Variants in FAM184A observed in about 807,000 individuals in gnomAD.
The protein encoded by FAM184A is protein FAM184A.
A neutral mutation model predicts 143.8 loss-of-function variants in FAM184A; 99 were observed. The observed-to-expected ratio is 0.69, with a 90% CI of 0.58 to 0.81. The LOEUF (loss-of-function observed/expected upper bound fraction) is 0.81. Among genes scored for constraint, FAM184A ranks in the 40% least tolerant of loss-of-function variants. The probability of loss-of-function intolerance (pLI) is 0.00; values close to 1 mark genes in which losing one functional copy is unlikely to be tolerated. For missense variants in FAM184A, 1,217 were observed against 1,310.5 expected (o/e 0.93, Z 1.10); for synonymous variants, 427 against 446.4 (o/e 0.96, Z 0.55).
chr6:118,973,631 A>T (rs1783762018), intron 14 of FAM184A, among the ~76,000 whole-genome samples: 1 of 152,196 alleles, frequency 6.6e-6, no homozygotes, highest in Non-Finnish European at 1.5e-5. Context: ...ATAAACTACT[A>T]GCAGCAGCTT....
At chr6:118,962,157 CAA>C in intron 16 of FAM184A, 194 bp from the exon 17 acceptor site, 1 of 584,860 alleles carries the variant, frequency 1.7e-6, no homozygotes, top group East Asian at 2.9e-5. Context: ...ATGGAATCCT[CAA>C]AGACAGACAT....
At chr6:119,021,447 C>T (rs1785444813) in intron 3 of FAM184A, among the ~76,000 whole-genome samples, 1 of 152,168 alleles carries the variant, frequency 6.6e-6, no homozygotes, top group South Asian at 2.1e-4. Flanking sequence ...GTAACAAGCC[C>T]TAAGAAATGA....
At chr6:119,086,264 G>C (rs1788219640) in intron 1 of FAM184A, among the ~76,000 whole-genome samples, 1 of 152,234 alleles carries the variant, frequency 6.6e-6, no homozygotes, top group African/African-American at 2.4e-5. Flanking sequence ...TCCAGGTACT[G>C]AGGCTGCAGT....
intron 1 of FAM184A, among the ~76,000 whole-genome samples, chr6:119,117,528 C>G (rs1171897478): frequency 6.6e-6 from 1 of 152,178 alleles, no homozygotes; most frequent in African/African-American, 2.4e-5. Flanking sequence ...CCTTGAGAGG[C>G]TATATCAGTT....
intron 1 of FAM184A, among the ~76,000 whole-genome samples, chr6:119,041,886 T>G (rs1292789635): frequency 6.6e-6 from 1 of 152,148 alleles, no homozygotes; most frequent in Non-Finnish European, 1.5e-5. Context: ...CCACGGCTTC[T>G]AATAGAGGTA....
chr6:119,029,100 G>GT (rs1785774837), intron 1 of FAM184A, among the ~76,000 whole-genome samples: 1 of 152,152 alleles, frequency 6.6e-6, no homozygotes, highest in African/African-American at 2.4e-5. Context: ...AGAGTGCCTA[G>GT]AGCAACACTG....
chr6:119,078,081 C>A lies in FAM184A; in HGVS notation c.159+60G>T. ...CAGGGCGCACTGCCTCCCGGGGAGACAGGTGAGTCCGGCGCGGCCCGCACG... is the reference window on the plus strand; with the variant it reads ...CAGGGCGCACTGCCTCCCGGGGAGAAAGGTGAGTCCGGCGCGGCCCGCACG... On this transcript the variant is annotated intron_variant, in intron 1 of 17. Coordinates refer to ENST00000338891, the MANE Select transcript of FAM184A (RefSeq NM_024581.6). The surrounding 1 kb of genome is among the most constrained non-coding windows in gnomAD (Gnocchi z 5.5). 6.5e-7 allele frequency: 1 copy of A among 1,527,132 alleles called. No individual in the cohort carries two copies. 94.6% of individuals were successfully genotyped at this position (1,527,132 alleles called of 1,614,324 possible). A position where few individuals can be genotyped will look rare whatever the true frequency, so the allele number is the denominator to read the frequency against.
intron 1 of FAM184A, among the ~76,000 whole-genome samples, chr6:119,108,128 AGTGTGT>A (rs57693047): frequency 1.4e-5 from 2 of 147,374 alleles, no homozygotes; most frequent in East Asian, 2.0e-4. Flanking sequence ...AGCACTTGTT[AGTGTGT>A]GTGTGTGTGT....
chr6:118,961,337 A>T (rs1476954980), intron 17 of FAM184A, among the ~76,000 whole-genome samples: 1 of 150,422 alleles, frequency 6.6e-6, no homozygotes, highest in African/African-American at 2.4e-5. Context: ...ATATATATAT[A>T]TATTTATAAA....
chr6:119,081,279 G>A (rs1024198552), upstream of FAM184A, among the ~76,000 whole-genome samples: 4 of 152,152 alleles, frequency 2.6e-5, no homozygotes, highest in Non-Finnish European at 5.9e-5. Flanking sequence ...GAACAGCATG[G>A]GGGAAGCCAC....
At chr6:119,045,085 T>C (rs1786476772) in intron 1 of FAM184A, among the ~76,000 whole-genome samples, 1 of 152,188 alleles carries the variant, frequency 6.6e-6, no homozygotes, top group African/African-American at 2.4e-5. Flanking sequence ...TTTTGCCCCT[T>C]CATCCATTCA....
chr6:119,127,746 T>C (rs553098600), intron 1 of FAM184A, among the ~76,000 whole-genome samples: 26 of 152,058 alleles, frequency 1.7e-4, no homozygotes, highest in Non-Finnish European at 3.2e-4. Flanking sequence ...GTCATAACAG[T>C]TGGGAGTGGG....
chr6:119,068,070 T>TG (rs936643713), intron 1 of FAM184A, among the ~76,000 whole-genome samples: 11 of 133,750 alleles, frequency 8.2e-5, no homozygotes, highest in African/African-American at 3.1e-4. Context: ...TTTTTTGAGA[T>TG]GGAGTTTCAC....
At chr6:119,081,266 C>A (rs565610733), upstream of FAM184A, among the ~76,000 whole-genome samples, 8 of 152,318 alleles carry the variant, frequency 5.3e-5, no homozygotes, top group South Asian at 1.7e-3. Context: ...CTCACCATGA[C>A]AAGAACAGCA....
intron 1 of FAM184A, among the ~76,000 whole-genome samples, chr6:119,135,321 A>T (rs1270157499): frequency 6.6e-6 from 1 of 152,220 alleles, no homozygotes; most frequent in African/African-American, 2.4e-5. Context: ...AATGGTAGTT[A>T]CATCTGTGGG....
intron 1 of FAM184A, among the ~76,000 whole-genome samples, chr6:119,029,308 G>A (rs966314161): frequency 2.0e-5 from 3 of 152,174 alleles, no homozygotes; most frequent in South Asian, 4.1e-4. Context: ...AATGAGGGAA[G>A]GAGGAAATAT....
intron 9 of FAM184A, among the ~76,000 whole-genome samples, chr6:118,985,922 G>A (rs1784178486): frequency 6.6e-6 from 1 of 152,120 alleles, no homozygotes; most frequent in Non-Finnish European, 1.5e-5. Context: ...ATGTTTAAAG[G>A]TGCTCAAATA....
chr6:118,981,302 C>T lies in FAM184A; in HGVS notation c.2089-952G>A, dbSNP rs141898921. ...CACAGGATATTGTAACTTGAAACTA[C>T]GTATCTGTATTCTAAAAGAAGTCTA... is the stretch of plus-strand genomic sequence containing the variant. On this transcript the variant is annotated intron_variant, in intron 9 of 17. Coordinates refer to ENST00000338891, the MANE Select transcript of FAM184A (RefSeq NM_024581.6). Among the ~76,000 whole-genome samples, 298 of 152,248 alleles carry T rather than the reference C, an allele frequency of 2.0e-3. 2 individuals are homozygous for T. Among genetic ancestry groups the T allele is most frequent in the Non-Finnish European group, 3.2e-3 (220 of 68,014 alleles).
intron 1 of FAM184A, among the ~76,000 whole-genome samples, chr6:119,043,037 A>G (rs1228730401): frequency 1.3e-5 from 2 of 152,202 alleles, no homozygotes; most frequent in Non-Finnish European, 1.5e-5. Context: ...AGAAAATTAA[A>G]TATCTATTCA....
Sources: gnomAD v4.1 joint callset for allele counts (sites outside exome capture counted in the v4.1 genomes callset) on GRCh38, gnomAD v4.1.1 for gene constraint, Gnocchi (gnomAD v3.1) non-coding constraint, MANE v1.5 for transcripts, NCBI Gene and HGNC (gene_info 2026-07-23, HGNC 2026-07-21) for gene names.